OPRM1: variants seen among roughly 807,000 people sequenced by gnomAD.
OPRM1 encodes the protein mu-type opioid receptor.
OPRM1 carries 27 observed loss-of-function variants against 31.8 expected under a neutral mutation model. The ratio of observed to expected loss-of-function variants is 0.85; its 90% CI spans 0.63 to 1.17. The LOEUF (loss-of-function observed/expected upper bound fraction) is 1.17, where lower values mean the gene tolerates loss of function less well. OPRM1 is among the 50% of genes most tolerant of loss of function. The pLI, the probability that OPRM1 is intolerant of heterozygous loss-of-function variation, is 0.00. For synonymous variants in OPRM1, 196 were observed against 189.9 expected (o/e 1.03, Z -0.26); for missense variants, 536 against 511.1 (o/e 1.05, Z -0.47).
At chr6:154,160,217 G>A (rs1490091711) in intron 3 of OPRM1, among the ~76,000 whole-genome samples, 1 of 152,128 alleles carries the variant, frequency 6.6e-6, no homozygotes, top group Non-Finnish European at 1.5e-5. Flanking sequence ...GTTTGCATAC[G>A]CTAGCCGCAA....
chr6:154,029,091 G>A (rs561829964), intron 1 of OPRM1, among the ~76,000 whole-genome samples: 126 of 152,212 alleles, frequency 8.3e-4, no homozygotes, highest in African/African-American at 2.9e-3. Flanking sequence ...CTTATCAGTA[G>A]CCCTTCTCTT....
intron 3 of OPRM1, among the ~76,000 whole-genome samples, chr6:154,237,908 A>G (rs1245446664): frequency 6.6e-6 from 1 of 152,194 alleles, no homozygotes; most frequent in African/African-American, 2.4e-5. Context: ...TATCAATTCA[A>G]TATATATCAA....
chr6:154,044,521 A>AT (rs918550509), intron 1 of OPRM1, among the ~76,000 whole-genome samples: 4 of 151,362 alleles, frequency 2.6e-5, no homozygotes, highest in East Asian at 1.9e-4. Context: ...AACTGATCTT[A>AT]TTTTTTTTTA....
chr6:154,039,173 A>G (rs540384392), upstream of OPRM1: 2 of 1,551,650 alleles, frequency 1.3e-6, no homozygotes, highest in East Asian at 4.9e-5. Context: ...GTGTTTGCAC[A>G]GAAGAGTGCC....
intron 3 of OPRM1, among the ~76,000 whole-genome samples, chr6:154,187,293 T>TA (rs938143765): frequency 5.3e-5 from 8 of 152,228 alleles, no homozygotes; most frequent in South Asian, 2.1e-4. Flanking sequence ...CTGCCTCTTG[T>TA]AAAAAAAGCA....
At chr6:154,184,021 TCACTATGCTG>T (rs1294846320) in intron 3 of OPRM1, among the ~76,000 whole-genome samples, 1 of 152,164 alleles carries the variant, frequency 6.6e-6, no homozygotes, top group East Asian at 1.9e-4. Context: ...CTAACTCTAG[TCACTATGCTG>T]CATATTCGAT....
At chr6:154,223,891 A>C (rs992739929) in intron 3 of OPRM1, among the ~76,000 whole-genome samples, 4 of 152,268 alleles carry the variant, frequency 2.6e-5, no homozygotes, top group Admixed American at 2.6e-4. Flanking sequence ...CTTTCTACAA[A>C]GAAAAGACTG....
chr6:154,089,952 C>A lies in OPRM1; in HGVS notation c.417C>A (p.Thr139=), dbSNP rs936910947. 1.2e-6 allele frequency: 2 copies of A among 1,613,954 alleles called. No individual in the cohort carries two copies. The highest frequency in any genetic ancestry group is 1.1e-5 in the South Asian group (1 of 91,074). The change falls in exon 2 of 4, where the codon ACC becomes ACA. Residue 139 remains threonine (T), a synonymous_variant. Transcript: ENST00000330432. ...TAATGGGAACATGGCCATTTGGAAC[C>A]ATCCTTTGCAAGATAGTGATCTCCA... ...NYLMGTWPFG[T]ILCKIVISID...
At chr6:154,078,374 A>T (rs779549883) in intron 1 of OPRM1, among the ~76,000 whole-genome samples, 5 of 152,220 alleles carry the variant, frequency 3.3e-5, no homozygotes, top group Non-Finnish European at 7.3e-5. Context: ...ATTCCTTTTT[A>T]TACTGCAGGT....
In OPRM1 at chr6:154,014,188, C is replaced by T. The variant is rs191779641; in HGVS notation, c.-1+3170C>T. On this transcript the variant is annotated intron_variant, in intron 1 of 5. Transcript: ENST00000434900. ...CTGGAAGAAATATTTCAAGTGCAGA[C>T]GCCATAAGGCAGTATGGAAGAAATG... 4.5e-3 allele frequency among the ~76,000 whole-genome samples: 683 copies of T among 152,166 alleles called. 5 individuals are homozygous for T. Among genetic ancestry groups the T allele is most frequent in the Non-Finnish European group, 4.9e-3 (335 of 68,008 alleles).
At chr6:154,018,898 C>T (rs1778169465) in intron 1 of OPRM1, among the ~76,000 whole-genome samples, 1 of 152,108 alleles carries the variant, frequency 6.6e-6, no homozygotes, top group Admixed American at 6.5e-5. Flanking sequence ...CACATAATTT[C>T]TCCTCCACAA....
At chr6:154,182,936 A>T in intron 3 of OPRM1, among the ~76,000 whole-genome samples, 1 of 152,176 alleles carries the variant, frequency 6.6e-6, no homozygotes, top group East Asian at 1.9e-4. Context: ...TCTCAATTTC[A>T]CTAAGCAGAA....
intron 1 of OPRM1, among the ~76,000 whole-genome samples, chr6:154,012,338 T>C (rs940305460): frequency 5.9e-5 from 9 of 152,174 alleles, no homozygotes; most frequent in African/African-American, 2.2e-4. Flanking sequence ...AGTAAATGGA[T>C]CATCAACTTT....
chr6:154,030,460 C>G (rs1778944903), intron 1 of OPRM1, among the ~76,000 whole-genome samples: 1 of 151,892 alleles, frequency 6.6e-6, no homozygotes, highest in East Asian at 1.9e-4. Context: ...ATCAATTTAC[C>G]TTAATCAATA....
chr6:154,019,646 A>T (rs762173618), intron 1 of OPRM1, among the ~76,000 whole-genome samples: 13 of 152,026 alleles, frequency 8.6e-5, no homozygotes, highest in Non-Finnish European at 1.6e-4. Context: ...GAAGTCACAC[A>T]GTACATAGCT....
chr6:154,068,563 C>T (rs539859439), intron 1 of OPRM1, among the ~76,000 whole-genome samples: 26 of 152,114 alleles, frequency 1.7e-4, no homozygotes, highest in African/African-American at 5.1e-4. Flanking sequence ...TAAGTCGTAT[C>T]CCATTGTGTA....
chr6:154,139,205 G>A (rs1413751763), intron 3 of OPRM1, among the ~76,000 whole-genome samples: 2 of 152,194 alleles, frequency 1.3e-5, no homozygotes, highest in Non-Finnish European at 2.9e-5. Flanking sequence ...GCTCTGTCTG[G>A]GCAGCAGGTA....
intron 1 of OPRM1, among the ~76,000 whole-genome samples, chr6:154,076,998 A>G (rs1412138260): frequency 1.3e-5 from 2 of 152,152 alleles, no homozygotes; most frequent in Non-Finnish European, 2.9e-5. Flanking sequence ...TGCGGTTAAG[A>G]GAGGGCTTTC....
At chr6:154,208,484 A>G (rs1028341259) in intron 3 of OPRM1, among the ~76,000 whole-genome samples, 14 of 152,050 alleles carry the variant, frequency 9.2e-5, no homozygotes, top group Non-Finnish European at 1.6e-4. Flanking sequence ...TGTAGCATAT[A>G]TTTTCCTTAT....
Sources: allele counts gnomAD v4.1 joint callset (sites outside exome capture counted in the v4.1 genomes callset), GRCh38; gene constraint gnomAD v4.1.1; transcripts MANE v1.5; gene names NCBI Gene and HGNC (gene_info 2026-07-23, HGNC 2026-07-21).